FAM81B: variants seen among roughly 807,000 people sequenced by gnomAD.
The protein encoded by FAM81B is protein FAM81B.
In FAM81B, 60 loss-of-function variants were observed where a neutral mutation model predicts 58.7. The observed-to-expected ratio is 1.02, with a 90% confidence interval of 0.83 to 1.27. FAM81B has a LOEUF of 1.27. FAM81B is among the 50% of genes most tolerant of loss of function. The pLI, the probability that FAM81B is intolerant of heterozygous loss-of-function variation, is 0.00. For missense variants in FAM81B, 491 were observed against 522.0 expected (o/e 0.94, Z 0.58); for synonymous variants, 189 against 179.6 (o/e 1.05, Z -0.42).
At chr5:95,410,967 G>A (rs541418387) in intron 3 of FAM81B, among the ~76,000 whole-genome samples, 5 of 152,292 alleles carry the variant, frequency 3.3e-5, no homozygotes, top group South Asian at 2.1e-4. Context: ...GAGAAAACCC[G>A]CAGCCCCTTC....
intron 3 of FAM81B, among the ~76,000 whole-genome samples, chr5:95,398,276 G>A (rs752882713): frequency 1.8e-4 from 27 of 152,040 alleles, no homozygotes; most frequent in Non-Finnish European, 3.4e-4. Flanking sequence ...AAAATTAGCC[G>A]GGCATGGTGG....
Position 95,442,569 on chromosome 5 carries a change from GA to G in FAM81B, c.894-3989del, listed in dbSNP as rs1745404919. ...TTTCCATCTCACAATTCTGTCTATT[GA>G]AAACTAATTCTACCACAGAAATTTT... On this transcript the variant is annotated intron_variant, in intron 7 of 9. Transcript: ENST00000283357. 2.6e-5 allele frequency among the ~76,000 whole-genome samples: 4 copies of G among 152,098 alleles called. No homozygotes were observed. In the South Asian group the frequency reaches 8.3e-4, roughly 32 times the overall value.
chr5:95,393,192 ACTTTAT>A (rs1312290840), intron 2 of FAM81B, among the ~76,000 whole-genome samples: 1 of 152,328 alleles, frequency 6.6e-6, no homozygotes, highest in South Asian at 2.1e-4. Context: ...CAAGGTGCAG[ACTTTAT>A]CTTTATCTCT....
rs1394635685 is a variant in FAM81B at position 95,450,414 on chromosome 5, A to G, written c.*132A>G. On this transcript the variant is annotated 3_prime_UTR_variant, in exon 10 of 10. Transcript: ENST00000283357. The stretch of plus-strand genomic sequence containing the variant: ...CCTTTTAAGGAGACGAATGTACCAG[A>G]AAAATAATAAAGCAAAGAAGCTTCG... 1.4e-6 allele frequency: 2 copies of G among 1,441,072 alleles called. No homozygotes were observed. The highest frequency in any genetic ancestry group is 1.8e-6 in the Non-Finnish European group (2 of 1,081,206). 89.3% of individuals were successfully genotyped at this position (1,441,072 alleles called of 1,614,324 possible).
intron 5 of FAM81B, among the ~76,000 whole-genome samples, chr5:95,426,899 A>C (rs964330535): frequency 6.6e-6 from 1 of 152,152 alleles, no homozygotes; most frequent in Non-Finnish European, 1.5e-5. Flanking sequence ...ATACAAAAAA[A>C]TTAGCCAGGC....
intron 3 of FAM81B, among the ~76,000 whole-genome samples, chr5:95,405,040 C>T (rs1297024648): frequency 6.6e-6 from 1 of 152,114 alleles, no homozygotes; most frequent in African/African-American, 2.4e-5. Context: ...AGAAAGACCA[C>T]TCTAGCTGCT....
At chr5:95,434,225 G>A (rs146521935) in intron 6 of FAM81B, among the ~76,000 whole-genome samples, 4 of 152,230 alleles carry the variant, frequency 2.6e-5, no homozygotes, top group Admixed American at 2.6e-4. Flanking sequence ...TCTTTATGGA[G>A]GCTTTGGGAA....
chr5:95,442,527 T>G (rs1228086773), intron 7 of FAM81B, among the ~76,000 whole-genome samples: 1 of 152,206 alleles, frequency 6.6e-6, no homozygotes, highest in Non-Finnish European at 1.5e-5. Flanking sequence ...TCAAATTGTT[T>G]TGATCAATTC....
At chr5:95,399,719 C>T (rs964852085) in intron 3 of FAM81B, among the ~76,000 whole-genome samples, 4 of 152,132 alleles carry the variant, frequency 2.6e-5, no homozygotes, top group African/African-American at 9.7e-5. Flanking sequence ...CAGAGGGAGC[C>T]CCCACCAACC....
At chr5:95,446,761 G>C (rs1426641541) in intron 8 of FAM81B, 64 bp downstream of exon 8, 1 of 1,567,356 alleles carries the variant, frequency 6.4e-7, no homozygotes, top group Non-Finnish European at 8.6e-7. Flanking sequence ...GTGAGTAAAG[G>C]TCTGGGAATT....
chr5:95,436,647 T>C (rs1334482821), intron 6 of FAM81B, among the ~76,000 whole-genome samples, 153 bp from the exon 7 acceptor site: 2 of 152,220 alleles, frequency 1.3e-5, no homozygotes, highest in African/African-American at 2.4e-5. Context: ...CATTTTCAAG[T>C]GCAATCATGC....
At chr5:95,428,099 TG>T (rs1263889212) in intron 5 of FAM81B, among the ~76,000 whole-genome samples, 2 of 152,192 alleles carry the variant, frequency 1.3e-5, no homozygotes, top group East Asian at 3.8e-4. Context: ...GGTGAGAAAT[TG>T]GAGAAGATGG....
At chr5:95,430,631 C>T (rs994065636) in intron 6 of FAM81B, among the ~76,000 whole-genome samples, 2 of 151,988 alleles carry the variant, frequency 1.3e-5, no homozygotes, top group African/African-American at 4.8e-5. Context: ...AATAACCTTG[C>T]ACATATGTCA....
At chr5:95,400,658 T>A (rs76112147) in intron 3 of FAM81B, among the ~76,000 whole-genome samples, 6,821 of 152,214 alleles carry the variant, frequency 0.045, 317 homozygotes, top group African/African-American at 0.12. Context: ...AATTATAAAT[T>A]ATTGTAAGAA....
At position 95,407,572 on chromosome 5, in the gene FAM81B, G is replaced by A. The variant is rs535451745; in HGVS notation, c.294-6375G>A. On this transcript the variant is annotated intron_variant, in intron 3 of 9. Transcript: ENST00000283357. ...AGACTGTTCAAGGGGCATCTCTAGA[G>A]AGATGCCATATACTAAATCCCAAAT... Among the ~76,000 whole-genome samples, 3 of 152,314 alleles carry A rather than the reference G, an allele frequency of 2.0e-5. No individual in the cohort carries two copies. The South Asian group carries it at 6.2e-4, about 32-fold the overall frequency.
chr5:95,437,499 G>A (rs6882491), intron 7 of FAM81B, among the ~76,000 whole-genome samples: 24,890 of 151,980 alleles, frequency 0.16, 3,238 homozygotes, highest in African/African-American at 0.36. Context: ...CATGTACCAC[G>A]ACACCTAATT....
chr5:95,447,288 G>A (rs574727354), intron 8 of FAM81B, among the ~76,000 whole-genome samples: 1 of 152,272 alleles, frequency 6.6e-6, no homozygotes, highest in East Asian at 1.9e-4. Context: ...CAGTCCTGCA[G>A]GTGACTAAAG....
At chr5:95,411,086 G>A (rs1018270461) in intron 3 of FAM81B, among the ~76,000 whole-genome samples, 1 of 152,130 alleles carries the variant, frequency 6.6e-6, no homozygotes, top group Non-Finnish European at 1.5e-5. Context: ...ATGTTGTCAT[G>A]TTCATGTATA....
Position 95,391,500 on chromosome 5 carries a change from C to G in FAM81B, c.111C>G (p.Ser37Arg). The change falls in exon 1 of 10, where the codon AGC becomes AGG. Residue 37 changes from serine (S) to arginine (R), a missense_variant. By Grantham distance (110) the Ser-to-Arg change is moderately radical. Transcript: ENST00000283357. Reference protein sequence around the residue: ...KSTKNKAGKASIMSSDTNVNK... With the variant: ...KSTKNKAGKARIMSSDTNVNK... ...CAAAAAATAAAGCTGGAAAAGCAAG[C>G]ATCATGAGTTCAGGTACTTATGGAC... 1 of 1,613,350 alleles carries G rather than the reference C, an allele frequency of 6.2e-7. No homozygotes were observed. The highest frequency in any genetic ancestry group is 8.5e-7 in the Non-Finnish European group (1 of 1,179,608).
Sources: allele counts gnomAD v4.1 joint callset (sites outside exome capture counted in the v4.1 genomes callset), GRCh38; gene constraint gnomAD v4.1.1; transcripts MANE v1.5; gene names NCBI Gene and HGNC (gene_info 2026-07-23, HGNC 2026-07-21).